Variants in GK5 observed in about 807,000 individuals in gnomAD.
The protein encoded by GK5 is glycerol kinase 5.
A neutral mutation model predicts 77.3 loss-of-function variants in GK5; 39 were observed. The ratio of observed to expected loss-of-function variants is 0.50; its 90% CI spans 0.39 to 0.66. The LOEUF (loss-of-function observed/expected upper bound fraction) is 0.66, where lower values mean the gene tolerates loss of function less well. GK5 is among the 30% of genes least tolerant of loss of function. GK5 has a pLI of 0.00. For missense variants in GK5, 487 were observed against 633.8 expected (o/e 0.77, Z 2.49); for synonymous variants, 211 against 208.0 (o/e 1.01, Z -0.13).
At position 142,160,435 on chromosome 3, in the gene GK5, T is replaced by C. The variant is rs959052317; in HGVS notation, c.*5187A>G. ...CAAAGAACTCCAGGGTATATCTACA[T>C]CTCTCCTCAAATAATTACAAAATTC... On this transcript the variant is annotated 3_prime_UTR_variant, in exon 16 of 16. Transcript: ENST00000392993. 1 of 152,170 alleles carries C rather than the reference T, an allele frequency of 6.6e-6. No homozygotes were observed. Among genetic ancestry groups the C allele is most frequent in the Admixed American group, 6.5e-5 (1 of 15,280 alleles). 9.4% of individuals were successfully genotyped at this position (152,170 alleles called of 1,614,324 possible).
intron 1 of GK5, among the ~76,000 whole-genome samples, chr3:142,219,454 G>GA: frequency 6.6e-6 from 1 of 152,106 alleles, no homozygotes; most frequent in Non-Finnish European, 1.5e-5. Flanking sequence ...GCATTATGCT[G>GA]AAAAAAATCC....
At chr3:142,210,773 A>G (rs1161589251) in intron 3 of GK5, among the ~76,000 whole-genome samples, 1 of 152,256 alleles carries the variant, frequency 6.6e-6, no homozygotes, top group East Asian at 1.9e-4. Context: ...ATGGTGATGT[A>G]TAGTCCTAGC....
At chr3:142,178,469 T>C (rs945169823) in intron 11 of GK5, among the ~76,000 whole-genome samples, 2 of 152,174 alleles carry the variant, frequency 1.3e-5, no homozygotes, top group African/African-American at 4.8e-5. Context: ...AAATCCTAAG[T>C]GTATATAGCT....
chr3:142,189,630 T>C (rs937232721), intron 5 of GK5, among the ~76,000 whole-genome samples: 3 of 152,150 alleles, frequency 2.0e-5, no homozygotes, highest in Admixed American at 6.5e-5. Flanking sequence ...CTTAGGAGGC[T>C]AGGGTGACAC....
Position 142,170,307 on chromosome 3 carries a change from TA to T in GK5, c.1441+17del. 1 of 1,613,246 alleles carries T rather than the reference TA, an allele frequency of 6.2e-7. No homozygotes were observed. The highest frequency in any genetic ancestry group is 1.3e-5 in the African/African-American group (1 of 75,032). ...GAGTTTGCAAGAAAACTCTCATTCT[TA>T]TAAATTTCACACATACCAACAGCAA... is the stretch of plus-strand genomic sequence containing the variant. On this transcript the variant is annotated intron_variant, in intron 15 of 15. Coordinates refer to ENST00000392993, the MANE Select transcript of GK5 (RefSeq NM_001039547.3).
At chr3:142,225,071 G>A (rs2064408355) in intron 1 of GK5, among the ~76,000 whole-genome samples, 1 of 152,102 alleles carries the variant, frequency 6.6e-6, no homozygotes, top group African/African-American at 2.4e-5. Flanking sequence ...GTCATACACC[G>A]GGCCCCTGGC....
intron 3 of GK5, among the ~76,000 whole-genome samples, chr3:142,212,167 C>T (rs1005640914): frequency 6.6e-6 from 1 of 152,052 alleles, no homozygotes; most frequent in African/African-American, 2.4e-5. Flanking sequence ...TCCTTTGGAG[C>T]CTAATGCTTT....
At chr3:142,199,296 T>G (rs887485087) in intron 4 of GK5, among the ~76,000 whole-genome samples, 12 of 152,152 alleles carry the variant, frequency 7.9e-5, no homozygotes, top group Non-Finnish European at 1.5e-5. Flanking sequence ...CTTATTTCAG[T>G]GGGATATGTA....
At chr3:142,209,017 C>T (rs1248873391) in intron 3 of GK5, among the ~76,000 whole-genome samples, 3 of 152,030 alleles carry the variant, frequency 2.0e-5, no homozygotes, top group Admixed American at 1.3e-4. Flanking sequence ...AGCGCGGTGG[C>T]GGGCACCTGT....
chr3:142,177,370 A>G (rs760718177), intron 12 of GK5, 112 bp downstream of exon 12: 21 of 665,102 alleles, frequency 3.2e-5, no homozygotes, highest in Non-Finnish European at 5.7e-5. Context: ...CTTTCATCTT[A>G]GTTCTGTTCA....
chr3:142,212,208 G>C (rs2064196499), intron 3 of GK5, among the ~76,000 whole-genome samples: 1 of 152,044 alleles, frequency 6.6e-6, no homozygotes, highest in East Asian at 1.9e-4. Context: ...TGGTGTGTGT[G>C]GGTACGTGGG....
Position 142,222,179 on chromosome 3 carries a change from C to G in GK5, c.147+3130G>C, listed in dbSNP as rs981497499. Among the ~76,000 whole-genome samples, 3 of 152,220 alleles carry G rather than the reference C, an allele frequency of 2.0e-5. 1 individual carries two copies. The highest frequency in any genetic ancestry group is 2.0e-4 in the Admixed American group (3 of 15,278). ...TAACAATGAGGTAATAAACCAGGTA[C>G]TAAGCAGCAATGTAGACCAACAAGA... On this transcript the variant is annotated intron_variant, in intron 1 of 15. Coordinates refer to ENST00000392993, the MANE Select transcript of GK5 (RefSeq NM_001039547.3).
chr3:142,187,762 T>C lies in GK5; in HGVS notation c.561A>G (p.Glu187=), dbSNP rs1486066952. Residue 187 remains glutamate (E), a synonymous_variant, in exon 6 of 16, where the codon GAA becomes GAG. Coordinates refer to ENST00000392993, the MANE Select transcript of GK5 (RefSeq NM_001039547.3). ...TAGTCCCAAAGCAGCAATTTTCTTC[T>C]TCAACTGCCTTTTGCACCTTGAAAA... The part of the protein sequence containing the change: ...QNLTEVQKAV[E]EENCCFGTID... 6.2e-7 allele frequency: 1 copy of C among 1,612,510 alleles called. No homozygotes were observed. Among genetic ancestry groups the C allele is most frequent in the Non-Finnish European group, 8.5e-7 (1 of 1,179,544 alleles).
rs1215090919 is a variant in GK5, at chr3:142,204,910, T to C, written c.318-122A>G. 3.1e-5 allele frequency: 19 copies of C among 612,332 alleles called. No homozygotes were observed. The Admixed American group carries it at 5.1e-4, about 16-fold the overall frequency. 37.9% of individuals were successfully genotyped at this position (612,332 alleles called of 1,614,324 possible). On this transcript the variant is annotated intron_variant, in intron 3 of 15. Coordinates refer to ENST00000392993, the MANE Select transcript of GK5 (RefSeq NM_001039547.3). ...AATTGCAAAGTATAATTTAGTTACA[T>C]GTGCCTTTCTGAATGATTTCTTCTT...
At position 142,162,495 on chromosome 3, in the gene GK5, T is replaced by TG. The variant is rs2063432993; in HGVS notation, c.*3126dup. The TG allele has an allele frequency of 6.6e-6, 1 of 152,260 alleles. No homozygotes were observed. Among genetic ancestry groups the TG allele is most frequent in the African/African-American group, 2.4e-5 (1 of 41,566 alleles). The allele number at this position is 152,260 out of a possible 1,614,324, so 9.4% of individuals were successfully genotyped here. ...CCATGCCATGGTTGGATAAAAAAGATGAAAAAATCAGTATGTCTATAGTAT... is the reference window on the plus strand; with the variant it reads ...CCATGCCATGGTTGGATAAAAAAGATGGAAAAAATCAGTATGTCTATAGTAT... On this transcript the variant is annotated 3_prime_UTR_variant, in exon 16 of 16. Coordinates refer to ENST00000392993, the MANE Select transcript of GK5 (RefSeq NM_001039547.3).
At chr3:142,186,623 G>GT in intron 6 of GK5, 110 bp from the exon 7 acceptor site, 9 of 358,366 alleles carry the variant, frequency 2.5e-5, no homozygotes, top group South Asian at 2.4e-4. Context: ...TCCAAAATGT[G>GT]TATTTTCTTT....
intron 3 of GK5, among the ~76,000 whole-genome samples, chr3:142,207,704 G>A (rs28717005): frequency 0.15 from 22,079 of 151,994 alleles, 1,700 homozygotes; most frequent in Admixed American, 0.2. Flanking sequence ...TGTTGGCACC[G>A]CAGGACCAGA....
At chr3:142,191,234 T>G (rs1281953282) in intron 5 of GK5, among the ~76,000 whole-genome samples, 6 of 151,948 alleles carry the variant, frequency 3.9e-5, no homozygotes, top group African/African-American at 1.5e-4. Flanking sequence ...TTCACCATAT[T>G]GGCCAGACTG....
chr3:142,192,122 A>G (rs2063860803), intron 5 of GK5, among the ~76,000 whole-genome samples: 1 of 152,234 alleles, frequency 6.6e-6, no homozygotes, highest in Admixed American at 6.5e-5. Context: ...GGGAACTGCA[A>G]ACAATGAATA....
Sources: allele counts gnomAD v4.1 joint callset (sites outside exome capture counted in the v4.1 genomes callset), GRCh38; gene constraint gnomAD v4.1.1; transcripts MANE v1.5; gene names NCBI Gene and HGNC (gene_info 2026-07-23, HGNC 2026-07-21).